NBAS: variants seen among roughly 807,000 people sequenced by gnomAD.
The protein encoded by NBAS is NAG/BC035112 fusion.
Under a neutral mutation model 302.5 loss-of-function variants are expected in NBAS, and 219 were observed. That is an observed-to-expected ratio of 0.72 (90% confidence interval 0.65 to 0.81). NBAS has a LOEUF of 0.81. NBAS is among the 30% of genes least tolerant of loss of function. The pLI is 0.00. For missense variants in NBAS, 2,932 were observed against 2,841.6 expected (o/e 1.03, Z -0.72); for synonymous variants, 1,118 against 1,021.6 (o/e 1.09, Z -1.80).
chr2:15,503,292 G>A (rs994592396), intron 11 of NBAS, among the ~76,000 whole-genome samples: 3 of 152,074 alleles, frequency 2.0e-5, no homozygotes, highest in Non-Finnish European at 4.4e-5. Flanking sequence ...GTACAGTACA[G>A]TCAAGCCTTC....
chr2:15,100,691 A>T, the NBAS span, among the ~76,000 whole-genome samples: 4 of 152,288 alleles, frequency 2.6e-5, no homozygotes, highest in East Asian at 3.9e-4. Context: ...ATATTTTTTT[A>T]AAAATAAACA....
rs868337958 is a variant in NBAS at position 15,343,675 on chromosome 2, T to C, written c.4179+8317A>G. 6.6e-5 allele frequency among the ~76,000 whole-genome samples: 10 copies of C among 152,130 alleles called. No homozygotes were observed. The East Asian group carries it at 9.7e-4, about 15-fold the overall frequency. ...TACAGATGGATATACCTCAAGTCTA[T>C]ACTTATTTCAAAAAAGGGACAACTT... is the stretch of plus-strand genomic sequence containing the variant. On this transcript the variant is annotated intron_variant, in intron 35 of 51. Transcript: ENST00000281513.
chr2:15,021,996 A>G, the NBAS span, among the ~76,000 whole-genome samples: 1 of 152,180 alleles, frequency 6.6e-6, no homozygotes, highest in African/African-American at 2.4e-5. Flanking sequence ...CATGTCTACA[A>G]CTGCTCTTAG....
the NBAS span, among the ~76,000 whole-genome samples, chr2:14,956,359 T>C: frequency 2.6e-5 from 4 of 152,194 alleles, no homozygotes; most frequent in Admixed American, 1.3e-4. Flanking sequence ...AACTTTCCCA[T>C]ATTTTTCTGT....
intron 9 of NBAS, among the ~76,000 whole-genome samples, chr2:15,524,556 A>G (rs1434268492): frequency 6.6e-6 from 1 of 152,176 alleles, no homozygotes; most frequent in Non-Finnish European, 1.5e-5. Flanking sequence ...TTCTACACCT[A>G]TGTCAACCAT....
At chr2:15,092,396 A>C in the NBAS span, among the ~76,000 whole-genome samples, 2 of 152,214 alleles carry the variant, frequency 1.3e-5, no homozygotes. Flanking sequence ...GTTCTAATTA[A>C]TTAGGTATGT....
the NBAS span, among the ~76,000 whole-genome samples, chr2:14,808,829 T>C: frequency 6.6e-6 from 1 of 152,144 alleles, no homozygotes; most frequent in Admixed American, 6.5e-5. Flanking sequence ...TTTTGTTGAG[T>C]GGCTTTGAGC....
chr2:15,030,974 G>T, the NBAS span, among the ~76,000 whole-genome samples: 1 of 152,176 alleles, frequency 6.6e-6, no homozygotes, highest in Non-Finnish European at 1.5e-5. Context: ...GAATCTGACC[G>T]TGTTCTCCTT....
chr2:15,099,284 A>G, the NBAS span, among the ~76,000 whole-genome samples: 1 of 152,110 alleles, frequency 6.6e-6, no homozygotes, highest in African/African-American at 2.4e-5. Context: ...CGACAGAGCA[A>G]GACTCTGTCT....
At chr2:14,953,116 G>A in the NBAS span, among the ~76,000 whole-genome samples, 186 of 152,358 alleles carry the variant, frequency 1.2e-3, no homozygotes, top group Middle Eastern at 0.017. Context: ...CTCAGTCAGT[G>A]ACTGGCCCTG....
intron 11 of NBAS, among the ~76,000 whole-genome samples, chr2:15,497,742 C>G (rs1025922964): frequency 6.6e-6 from 1 of 152,062 alleles, no homozygotes; most frequent in African/African-American, 2.4e-5. Context: ...TCTGAAAATA[C>G]TCATATTTTA....
chr2:15,526,645 T>C (rs769687433), intron 9 of NBAS, among the ~76,000 whole-genome samples: 1 of 152,186 alleles, frequency 6.6e-6, no homozygotes, highest in Non-Finnish European at 1.5e-5. Context: ...ACATACTCCT[T>C]GCTTTACAAC....
intron 21 of NBAS, among the ~76,000 whole-genome samples, chr2:15,454,101 G>A (rs945194604): frequency 2.6e-5 from 4 of 152,092 alleles, no homozygotes; most frequent in Admixed American, 2.6e-4. Flanking sequence ...CTAAGAGGGC[G>A]AGAAGAATCA....
intron 47 of NBAS, among the ~76,000 whole-genome samples, chr2:15,221,828 T>C (rs565533387): frequency 2.0e-5 from 3 of 152,292 alleles, no homozygotes; most frequent in Admixed American, 6.5e-5. Context: ...TAAGGAAAGA[T>C]AGGCTTTCTC....
the NBAS span, among the ~76,000 whole-genome samples, chr2:15,116,053 T>C: frequency 6.6e-6 from 1 of 152,270 alleles, no homozygotes; most frequent in Non-Finnish European, 1.5e-5. Context: ...AACCAGAGGC[T>C]GGGAGGATAA....
chr2:15,324,610 G>T (rs553335888), intron 38 of NBAS, among the ~76,000 whole-genome samples: 1 of 152,018 alleles, frequency 6.6e-6, no homozygotes, highest in South Asian at 2.1e-4. Flanking sequence ...CTATCATAGC[G>T]CCTGTCACTC....
At position 15,458,960 on chromosome 2, in the gene NBAS, T is replaced by C. The variant is rs114467692; in HGVS notation, c.2339+2241A>G. Among the ~76,000 whole-genome samples, 918 of 152,292 alleles carry C rather than the reference T, an allele frequency of 6.0e-3. 10 individuals carry two copies. The highest frequency in any genetic ancestry group is 0.02 in the African/African-American group (831 of 41,548). On this transcript the variant is annotated intron_variant, in intron 21 of 51. Coordinates refer to ENST00000281513, the MANE Select transcript of NBAS (RefSeq NM_015909.4). ...CCCCAAACAATGATTCAAAATAACA[T>C]TATATTCTTTTAATTATACTCTGCT...
intron 13 of NBAS, among the ~76,000 whole-genome samples, chr2:15,476,959 G>T (rs549043482): frequency 7.6e-4 from 115 of 152,176 alleles, no homozygotes; most frequent in African/African-American, 2.7e-3. Flanking sequence ...TTGTTTTAAT[G>T]AAAATAAAAA....
chr2:15,557,750 T>C (rs1166141136), intron 2 of NBAS, among the ~76,000 whole-genome samples: 1 of 145,456 alleles, frequency 6.9e-6, no homozygotes, highest in African/African-American at 2.5e-5. Context: ...CAAGTTTTCT[T>C]ATCTAAAATC....
Sources: allele counts gnomAD v4.1 joint callset (sites outside exome capture counted in the v4.1 genomes callset), GRCh38; gene constraint gnomAD v4.1.1; transcripts MANE v1.5; gene names NCBI Gene and HGNC (gene_info 2026-07-23, HGNC 2026-07-21).